Variants in DCC observed in about 807,000 individuals in gnomAD.
DCC encodes the protein DCC netrin 1 receptor.
In DCC, 58 loss-of-function variants were observed where a neutral mutation model predicts 172.5. That is an observed-to-expected ratio of 0.34 (90% confidence interval 0.27 to 0.42). The LOEUF is 0.42. DCC is among the 10% of genes least tolerant of loss of function. The pLI is 1.00. For synonymous variants in DCC, 709 were observed against 644.5 expected, an observed-to-expected ratio of 1.10 and a Z score of -1.52; for missense variants, 1,740 against 1,791.0, an observed-to-expected ratio of 0.97 and a Z score of 0.51.
intron 1 of DCC, among the ~76,000 whole-genome samples, chr18:52,473,398 T>C (rs1442474425): frequency 6.6e-6 from 1 of 152,206 alleles, no homozygotes; most frequent in Non-Finnish European, 1.5e-5. Context: ...CCTTCCTCCA[T>C]TTCTAACTCA....
intron 15 of DCC, among the ~76,000 whole-genome samples, chr18:53,349,539 T>A (rs948392077): frequency 7.2e-5 from 11 of 152,160 alleles, no homozygotes; most frequent in Non-Finnish European, 1.3e-4. Context: ...TTAGTCTATT[T>A]TCACACTGCT....
intron 15 of DCC, among the ~76,000 whole-genome samples, chr18:53,352,091 T>C (rs2057819218): frequency 6.6e-6 from 1 of 152,054 alleles, no homozygotes; most frequent in Non-Finnish European, 1.5e-5. Context: ...TAGAGCACTC[T>C]ATTGCAGGAA....
chr18:52,466,779 A>G (rs1363719582), intron 1 of DCC, among the ~76,000 whole-genome samples: 6 of 152,192 alleles, frequency 3.9e-5, no homozygotes, highest in Non-Finnish European at 8.8e-5. Context: ...TTTCCATGAT[A>G]AAAAGAAAAT....
At chr18:52,959,539 C>T (rs1352763706) in intron 5 of DCC, among the ~76,000 whole-genome samples, 6 of 151,982 alleles carry the variant, frequency 3.9e-5, no homozygotes, top group Admixed American at 6.6e-5. Flanking sequence ...GATAGTGTGA[C>T]GGGTTTGCTC....
chr18:52,684,214 C>T lies in DCC; in HGVS notation c.92-67840C>T, dbSNP rs1418574968. On this transcript the variant is annotated intron_variant, in intron 1 of 28. Transcript: ENST00000442544. Reference sequence around the variant, plus strand: ...AGGTTATATTCTGTGGATATCTGACCTTTGTTAATCATTGTGTGGCCAAAT... The same window carrying T: ...AGGTTATATTCTGTGGATATCTGACTTTTGTTAATCATTGTGTGGCCAAAT... 3.3e-5 allele frequency among the ~76,000 whole-genome samples: 5 copies of T among 152,084 alleles called. No individual in the cohort carries two copies. The East Asian group carries it at 7.8e-4, about 24-fold the overall frequency.
At chr18:53,166,226 A>G (rs1431638326) in intron 8 of DCC, among the ~76,000 whole-genome samples, 4 of 151,778 alleles carry the variant, frequency 2.6e-5, no homozygotes, top group African/African-American at 9.7e-5. Flanking sequence ...TCATTGTGCA[A>G]TTTGCTGAGA....
chr18:52,404,759 C>T (rs959918563), intron 1 of DCC, among the ~76,000 whole-genome samples: 16 of 150,856 alleles, frequency 1.1e-4, no homozygotes, highest in African/African-American at 3.9e-4. Flanking sequence ...TGCGCTGCAC[C>T]CACTAACTCG....
intron 5 of DCC, among the ~76,000 whole-genome samples, chr18:52,927,363 A>G (rs150194541): frequency 6.6e-6 from 1 of 151,530 alleles, no homozygotes; most frequent in African/African-American, 2.4e-5. Context: ...TGTTTGATAC[A>G]TATAAAACTA....
chr18:52,855,501 C>A (rs934567034), intron 2 of DCC, among the ~76,000 whole-genome samples: 5 of 152,156 alleles, frequency 3.3e-5, no homozygotes, highest in African/African-American at 1.2e-4. Context: ...GGTACAAAGA[C>A]TACACACATA....
intron 1 of DCC, among the ~76,000 whole-genome samples, chr18:52,584,188 T>C (rs575428516): frequency 6.6e-6 from 1 of 152,328 alleles, no homozygotes; most frequent in South Asian, 2.1e-4. Context: ...CTGTGAAAGA[T>C]ACATAAGGTG....
chr18:53,255,381 A>G (rs1399319127), intron 12 of DCC, among the ~76,000 whole-genome samples: 1 of 103,326 alleles, frequency 9.7e-6, no homozygotes, highest in Non-Finnish European at 1.8e-5. Flanking sequence ...CCACCCCACA[A>G]CAGGCCATGG....
chr18:52,554,976 G>C lies in DCC; in HGVS notation c.92-197078G>C, dbSNP rs535596758. Among the ~76,000 whole-genome samples, 109 of 152,180 alleles carry C rather than the reference G, an allele frequency of 7.2e-4. 4 individuals are homozygous for C. In the South Asian group the frequency reaches 0.022, roughly 30 times the overall value. ...AGATAAAAGATAGAATTTAGGCTTG[G>C]CATAAGTAAACTCTAAGCTAACTTC... is the stretch of plus-strand genomic sequence containing the variant. On this transcript the variant is annotated intron_variant, in intron 1 of 28. Transcript: ENST00000442544.
Position 53,305,684 on chromosome 18 carries a change from C to A in DCC, c.2018C>A (p.Thr673Lys). Residue 673 changes from threonine (T) to lysine (K), a missense_variant, in exon 13 of 29, where the codon ACA (threonine) becomes AAA (lysine). Thr to Lys is a moderately conservative substitution (Grantham distance 78). This residue lies in a region of DCC where 1,732 missense variants were observed against 1,767.4 expected (regional missense o/e 0.98). Transcript: ENST00000442544. ...RKTTRRGEMETLEPNNLWYLF... is the reference protein window; with the variant it reads ...RKTTRRGEMEKLEPNNLWYLF... The stretch of plus-strand genomic sequence containing the variant: ...ACGACCCGCAGGGGTGAGATGGAAA[C>A]ACTGGAGCCAAACAACCTCTGGTAC... 1 of 1,613,982 alleles carries A rather than the reference C, an allele frequency of 6.2e-7. No individual in the cohort carries two copies.
intron 12 of DCC, among the ~76,000 whole-genome samples, chr18:53,240,944 G>A (rs146150650): frequency 6.6e-6 from 1 of 152,250 alleles, no homozygotes; most frequent in African/African-American, 2.4e-5. Flanking sequence ...TAGAAGTATT[G>A]TTAGGGCACT....
intron 20 of DCC, among the ~76,000 whole-genome samples, chr18:53,414,853 A>G (rs756154652): frequency 6.6e-6 from 1 of 152,182 alleles, no homozygotes; most frequent in Non-Finnish European, 1.5e-5. Context: ...AAATCCTGGT[A>G]TATGTAGTGT....
intron 1 of DCC, among the ~76,000 whole-genome samples, chr18:52,661,276 G>A (rs915996583): frequency 2.6e-5 from 4 of 152,098 alleles, no homozygotes; most frequent in Admixed American, 6.5e-5. Flanking sequence ...AAGGGCAAAG[G>A]GACATTAGAC....
intron 1 of DCC, among the ~76,000 whole-genome samples, chr18:52,683,002 T>TA (rs1378166968): frequency 6.6e-6 from 1 of 152,080 alleles, no homozygotes; most frequent in African/African-American, 2.4e-5. Context: ...TTGAGGGTAT[T>TA]ACTGCAGTTT....
intron 1 of DCC, among the ~76,000 whole-genome samples, chr18:52,624,599 AAT>A (rs2034538737): frequency 6.6e-6 from 1 of 152,218 alleles, no homozygotes; most frequent in Non-Finnish European, 1.5e-5. Context: ...TAGTGATCAA[AAT>A]ATATGTTTAC....
At chr18:53,217,183 G>A (rs2055864479) in intron 12 of DCC, among the ~76,000 whole-genome samples, 1 of 151,624 alleles carries the variant, frequency 6.6e-6, no homozygotes, top group Non-Finnish European at 1.5e-5. Context: ...GAATGACCCT[G>A]GATGCTAACT....
Sources: allele counts gnomAD v4.1 joint callset (sites outside exome capture counted in the v4.1 genomes callset), GRCh38; gene constraint gnomAD v4.1.1; regional missense constraint gnomAD v4.1.1; transcripts MANE v1.5; gene names NCBI Gene and HGNC (gene_info 2026-07-23, HGNC 2026-07-21).